VEZF1: variants seen among roughly 807,000 people sequenced by gnomAD.
The protein encoded by VEZF1 is vascular endothelial zinc finger 1, also known as putative transcription factor DB1.
A neutral mutation model predicts 44.1 loss-of-function variants in VEZF1; 5 were observed. The ratio of observed to expected loss-of-function variants is 0.11; its 90% CI spans 0.06 to 0.24. The LOEUF is 0.24. Ranked by LOEUF, VEZF1 falls within the 10% of genes least tolerant of loss-of-function variation. VEZF1 has a pLI of 1.00. For missense variants in VEZF1, 358 were observed against 641.8 expected, an observed-to-expected ratio of 0.56 and a Z score of 4.78; for synonymous variants, 236 against 233.1, an observed-to-expected ratio of 1.01 and a Z score of -0.11.
In VEZF1 at chr17:57,974,857, A is replaced by G. The variant is rs1363857198; in HGVS notation, c.1182T>C (p.Pro394=). 1.9e-6 allele frequency: 3 copies of G among 1,614,200 alleles called. No individual in the cohort carries two copies. The highest frequency in any genetic ancestry group is 2.5e-6 in the Non-Finnish European group (3 of 1,180,008). Residue 394 remains proline (P), a synonymous_variant, in exon 6 of 6, where the codon CCT becomes CCC. Coordinates refer to ENST00000581208, the MANE Select transcript of VEZF1 (RefSeq NM_007146.3). ...LCQTSTAATT[P]VTLTTPFSIT... is the part of the protein sequence containing the mutation. ...TACTGAATGGAGTAGTGAGAGTCAC[A>G]GGTGTCGTAGCAGCCGTGGAGGTTT...
chr17:57,985,440 G>A (rs2075285821), intron 1 of VEZF1: 2 of 1,222,670 alleles, frequency 1.6e-6, no homozygotes, highest in Middle Eastern at 3.1e-4. Flanking sequence ...CTTCTAAGGG[G>A]GAACTGGGTT....
chr17:57,975,608 CCT>C lies in VEZF1; in HGVS notation c.1139-710_1139-709del, dbSNP rs377215013. ...CTACATTAGGAAAGAAAAAAATACT[CCT>C]CAATAAGTTCATGTTCTCCTCACTC... On this transcript the variant is annotated intron_variant, in intron 5 of 5. Transcript: ENST00000581208. Among the ~76,000 whole-genome samples, 8 of 152,336 alleles carry C rather than the reference CCT, an allele frequency of 5.3e-5. No homozygotes were observed. In the South Asian group the frequency reaches 1.5e-3, roughly 28 times the overall value.
rs759844774 is a variant in VEZF1, at chr17:57,974,441, C to G, written c.*32G>C. On this transcript the variant is annotated 3_prime_UTR_variant, in exon 6 of 6. Coordinates refer to ENST00000581208, the MANE Select transcript of VEZF1 (RefSeq NM_007146.3). The stretch of plus-strand genomic sequence containing the variant: ...AAGTTAAGTTGCTGGTAAATATTTA[C>G]TTTTACCCATATTTTGATTTTATAA... 6.9e-6 allele frequency: 11 copies of G among 1,586,728 alleles called. No homozygotes were observed. Among genetic ancestry groups the G allele is most frequent in the East Asian group, 2.3e-5 (1 of 44,402 alleles).
In VEZF1 at chr17:57,981,861, T is replaced by C; in HGVS notation, c.792+12A>G. On this transcript the variant is annotated intron_variant, in intron 3 of 5. Coordinates refer to ENST00000581208, the MANE Select transcript of VEZF1 (RefSeq NM_007146.3). ...AAGTGCTACACTAAGGATAAGTCAT[T>C]TTAACTCTTACTTGGCATTTGAAGG... 3.1e-6 allele frequency: 5 copies of C among 1,613,076 alleles called. No individual in the cohort carries two copies. The highest frequency in any genetic ancestry group is 4.2e-6 in the Non-Finnish European group (5 of 1,178,996).
In VEZF1 at chr17:57,979,189, CAGT is replaced by C; in HGVS notation, c.1098_1100del (p.Leu367del). On this transcript the variant is annotated inframe_deletion, in exon 5 of 6. Transcript: ENST00000581208. ...CTTTAACAGCTTCTTCCCACAGTCT[CAGT>C]GTTTCTACTTGCTTCCCTGGCCAGC... The C allele has an allele frequency of 6.2e-7, 1 of 1,613,672 alleles. No homozygotes were observed. The highest frequency in any genetic ancestry group is 8.5e-7 in the Non-Finnish European group (1 of 1,179,968).
At position 57,988,159 on chromosome 17, in the gene VEZF1, GCCT is replaced by G; in HGVS notation, c.-51_-49del. 1.7e-6 allele frequency: 1 copy of G among 580,388 alleles called. No homozygotes were observed. Among genetic ancestry groups the G allele is most frequent in the Non-Finnish European group, 2.4e-6 (1 of 424,136 alleles). 36.0% of individuals were successfully genotyped at this position (580,388 alleles called of 1,614,324 possible). A position where few individuals can be genotyped will look rare whatever the true frequency, so the allele number is the denominator to read the frequency against. ...CCTCCCCACTCCCCCCGCTCGGGGAGCCTCCTCAGCCGGAGGAGGCGACAACAA... is the reference window on the plus strand; with the variant it reads ...CCTCCCCACTCCCCCCGCTCGGGGAGCCTCAGCCGGAGGAGGCGACAACAA... On this transcript the variant is annotated 5_prime_UTR_variant, in exon 1 of 6. Coordinates refer to ENST00000581208, the MANE Select transcript of VEZF1 (RefSeq NM_007146.3).
chr17:57,987,014 G>T (rs1418299778), intron 1 of VEZF1, among the ~76,000 whole-genome samples: 1 of 152,204 alleles, frequency 6.6e-6, no homozygotes, highest in Admixed American at 6.5e-5. Context: ...AAAAAAATAA[G>T]TTCCAGCCTA....
At chr17:57,979,427 T>C (rs1053809299) in intron 4 of VEZF1, 114 bp from the exon 5 acceptor site, 20 of 1,472,856 alleles carry the variant, frequency 1.4e-5, no homozygotes, top group Non-Finnish European at 1.8e-5. Flanking sequence ...TGATAGCTCT[T>C]AGTAAGTGCA....
In VEZF1 at chr17:57,982,936, T is replaced by C; in HGVS notation, c.491A>G (p.Lys164Arg). 2 of 1,614,214 alleles carry C rather than the reference T, an allele frequency of 1.2e-6. No individual in the cohort carries two copies. The highest frequency in any genetic ancestry group is 1.1e-5 in the South Asian group (1 of 91,084). Residue 164 changes from lysine to arginine, a missense_variant, in exon 2 of 6, where the codon AAG (lysine) becomes AGG (arginine). Lys to Arg is a conservative substitution (Grantham distance 26, BLOSUM62 2). Transcript: ENST00000581208. ...TTAMPVTQSV[K>R]KPSKPVKKNH... is the part of the protein sequence containing the mutation. ...CTTCTTGACAGGCTTACTGGGTTTC[T>C]TGACAGACTGGGTCACTGGCATAGC... is the stretch of plus-strand genomic sequence containing the variant.
chr17:57,980,400 T>G (rs1416967047), intron 4 of VEZF1, among the ~76,000 whole-genome samples: 1 of 152,262 alleles, frequency 6.6e-6, no homozygotes, highest in Non-Finnish European at 1.5e-5. Context: ...AAGGTTATTA[T>G]TAGCTTATCA....
chr17:57,983,861 GTCTT>G (rs985094918), intron 1 of VEZF1, among the ~76,000 whole-genome samples: 14 of 152,314 alleles, frequency 9.2e-5, no homozygotes, highest in South Asian at 2.1e-4. Flanking sequence ...AAAGCATCAT[GTCTT>G]TCTATCAGAA....
intron 1 of VEZF1, among the ~76,000 whole-genome samples, chr17:57,987,747 G>A (rs968413451): frequency 8.6e-5 from 13 of 151,996 alleles, no homozygotes; most frequent in African/African-American, 2.9e-4. Context: ...CCTTTCTCTG[G>A]GCCGCGGGGT....
intron 1 of VEZF1, 72 bp from the exon 2 acceptor site, chr17:57,983,465 C>T (rs2075269612): frequency 3.0e-6 from 4 of 1,314,506 alleles, no homozygotes; most frequent in African/African-American, 1.5e-5. Context: ...ATGCTCCAGA[C>T]AATAGAGACC....
chr17:57,981,368 G>A (rs1184459189), intron 3 of VEZF1, among the ~76,000 whole-genome samples: 2 of 152,096 alleles, frequency 1.3e-5, no homozygotes, highest in Non-Finnish European at 1.5e-5. Context: ...AATTCTTAAT[G>A]TTTTCGTTAT....
intron 4 of VEZF1, among the ~76,000 whole-genome samples, chr17:57,980,101 A>C (rs2075234868): frequency 6.6e-6 from 1 of 152,228 alleles, no homozygotes; most frequent in Non-Finnish European, 1.5e-5. Context: ...GGATAGATTA[A>C]CACACATTAA....
intron 3 of VEZF1, among the ~76,000 whole-genome samples, chr17:57,981,511 A>G (rs2075249460): frequency 6.6e-6 from 1 of 152,246 alleles, no homozygotes; most frequent in South Asian, 2.1e-4. Flanking sequence ...ATTTTCTCCT[A>G]TTACAGTTAA....
Position 57,974,315 on chromosome 17 carries a change from A to G in VEZF1, c.*158T>C. 1 of 877,176 alleles carries G rather than the reference A, an allele frequency of 1.1e-6. No homozygotes were observed. Among genetic ancestry groups the G allele is most frequent in the Non-Finnish European group, 1.7e-6 (1 of 586,086 alleles). The allele number at this position is 877,176 out of a possible 1,614,324, so 54.3% of individuals were successfully genotyped here. ...AAGTTACATACACACCCTACTTTGA[A>G]TAATCCCAGCCAAATTGGAGAAAAA... On this transcript the variant is annotated 3_prime_UTR_variant, in exon 6 of 6. Coordinates refer to ENST00000581208, the MANE Select transcript of VEZF1 (RefSeq NM_007146.3).
rs189430529 is a variant in VEZF1 at position 57,979,983 on chromosome 17, A to C, written c.976+620T>G. ...AAGACTCCGTCTCAAAAAAAAAAAA[A>C]AAAAAAAACAAAAAAAACAGAAGTG... On this transcript the variant is annotated intron_variant, in intron 4 of 5. Coordinates refer to ENST00000581208, the MANE Select transcript of VEZF1 (RefSeq NM_007146.3). Among the ~76,000 whole-genome samples, 190 of 151,424 alleles carry C rather than the reference A, an allele frequency of 1.3e-3. 1 individual carries two copies. The East Asian group carries it at 0.023, about 18-fold the overall frequency.
At chr17:57,985,513 A>C in intron 1 of VEZF1, 2 of 899,760 alleles carry the variant, frequency 2.2e-6, no homozygotes, top group African/African-American at 1.8e-5. Context: ...GCCTTCAGTT[A>C]AGTGATTTAT....
Sources: gnomAD v4.1 joint callset for allele counts (sites outside exome capture counted in the v4.1 genomes callset) on GRCh38, gnomAD v4.1.1 for gene constraint, MANE v1.5 for transcripts, NCBI Gene and HGNC (gene_info 2026-07-23, HGNC 2026-07-21) for gene names.